DGUOK: variants seen among roughly 807,000 people sequenced by gnomAD.
The protein encoded by DGUOK is deoxyguanosine kinase, also known as deoxyguanosine kinase, mitochondrial.
DGUOK carries 30 observed loss-of-function variants against 36.6 expected under a neutral mutation model. That is an observed-to-expected ratio of 0.82 (90% CI 0.61 to 1.11). DGUOK has a LOEUF of 1.11. Among genes scored for constraint, DGUOK ranks in the 50% most tolerant of loss-of-function variants. DGUOK has a pLI of 0.00. For missense variants in DGUOK, 361 were observed against 336.4 expected (o/e 1.07, Z -0.57); for synonymous variants, 145 against 126.3 (o/e 1.15, Z -0.99).
In DGUOK at chr2:73,958,706, A is replaced by C. The variant is rs1435004874; in HGVS notation, c.808-4A>C. On this transcript the variant is annotated splice_polypyrimidine_tract_variant and splice_region_variant and intron_variant, in intron 6 of 6. Coordinates refer to ENST00000264093, the MANE Select transcript of DGUOK (RefSeq NM_080916.3). The stretch of plus-strand genomic sequence containing the variant: ...TTAAACTTCTGATTTTCTCCTTCCC[A>C]CAGGTAAACACCTTTGTAAAGAATC... 6.2e-7 allele frequency: 1 copy of C among 1,610,902 alleles called. No individual in the cohort carries two copies. The highest frequency in any genetic ancestry group is 8.5e-7 in the Non-Finnish European group (1 of 1,177,040).
chr2:73,949,068 C>G (rs184249690), intron 3 of DGUOK, among the ~76,000 whole-genome samples: 1 of 152,316 alleles, frequency 6.6e-6, no homozygotes, highest in East Asian at 1.9e-4. Flanking sequence ...TCTTGTGCCT[C>G]AGTCTCCTGA....
chr2:73,927,466 A>T (rs767010996), intron 1 of DGUOK, among the ~76,000 whole-genome samples: 6 of 152,252 alleles, frequency 3.9e-5, no homozygotes, highest in Non-Finnish European at 5.9e-5. Flanking sequence ...TGTGTGTCCA[A>T]TGCAATATTT....
chr2:73,947,021 T>A, intron 3 of DGUOK, 115 bp downstream of exon 3: 1 of 962,398 alleles, frequency 1.0e-6, no homozygotes, highest in Non-Finnish European at 1.6e-6. Flanking sequence ...AAAAATTATC[T>A]TCTTTTTTAA....
chr2:73,948,348 T>A (rs1001744593), intron 3 of DGUOK, among the ~76,000 whole-genome samples: 1 of 152,246 alleles, frequency 6.6e-6, no homozygotes, highest in Non-Finnish European at 1.5e-5. Flanking sequence ...AGAAGCTGCA[T>A]GGATCTTAAC....
At chr2:73,943,217 C>CAT (rs2104927016) in intron 2 of DGUOK, among the ~76,000 whole-genome samples, 1 of 152,144 alleles carries the variant, frequency 6.6e-6, no homozygotes, top group Admixed American at 6.5e-5. Flanking sequence ...GTGGCATGAT[C>CAT]ATAGCTCACT....
chr2:73,944,314 C>G (rs920794337), intron 2 of DGUOK, among the ~76,000 whole-genome samples: 2 of 152,220 alleles, frequency 1.3e-5, no homozygotes, highest in African/African-American at 2.4e-5. Context: ...GCCCCCATAC[C>G]TAGCCCTTAA....
chr2:73,937,190 A>G (rs894709153), intron 1 of DGUOK, among the ~76,000 whole-genome samples: 3 of 152,224 alleles, frequency 2.0e-5, no homozygotes, highest in Admixed American at 6.5e-5. Context: ...GTCTTAGCTC[A>G]GATGTCACTA....
At chr2:73,953,554 CTG>C (rs1682854561) in intron 4 of DGUOK, among the ~76,000 whole-genome samples, 2 of 152,096 alleles carry the variant, frequency 1.3e-5, no homozygotes, top group Non-Finnish European at 2.9e-5. Context: ...TCAGAGGTAA[CTG>C]TGCCCAAGGG....
chr2:73,936,803 T>C (rs1681499439), intron 1 of DGUOK, among the ~76,000 whole-genome samples: 1 of 152,222 alleles, frequency 6.6e-6, no homozygotes, highest in African/African-American at 2.4e-5. Context: ...AGCCCCATCC[T>C]GTAGCTGGAG....
intron 2 of DGUOK, among the ~76,000 whole-genome samples, chr2:73,939,891 C>G (rs1031353855): frequency 1.3e-5 from 2 of 150,922 alleles, no homozygotes; most frequent in East Asian, 3.9e-4. Context: ...TTCTTTCTCC[C>G]CCTCAAGTCT....
intron 2 of DGUOK, among the ~76,000 whole-genome samples, chr2:73,945,077 G>C (rs1480125509): frequency 2.0e-5 from 3 of 152,164 alleles, no homozygotes; most frequent in Non-Finnish European, 2.9e-5. Flanking sequence ...ACCCTTCTTT[G>C]GAATCTAATA....
intron 1 of DGUOK, among the ~76,000 whole-genome samples, chr2:73,932,133 A>G (rs1487121075): frequency 2.0e-5 from 3 of 152,108 alleles, no homozygotes; most frequent in African/African-American, 7.2e-5. Context: ...GAAGTTGTTG[A>G]CTGGTGGGTA....
At chr2:73,934,388 AG>A (rs1314754149) in intron 1 of DGUOK, among the ~76,000 whole-genome samples, 1 of 152,194 alleles carries the variant, frequency 6.6e-6, no homozygotes, top group African/African-American at 2.4e-5. Context: ...ACTGGTGGCC[AG>A]GGTCCTAAGG....
chr2:73,927,906 TATTC>T (rs1252407336), intron 1 of DGUOK, among the ~76,000 whole-genome samples: 1 of 152,242 alleles, frequency 6.6e-6, no homozygotes. Context: ...TTTCTTTTTT[TATTC>T]ATTCAACAAA....
Position 73,938,900 on chromosome 2 carries a change from T to C in DGUOK, c.143-10T>C. 6.3e-7 allele frequency: 1 copy of C among 1,591,866 alleles called. No individual in the cohort carries two copies. The highest frequency in any genetic ancestry group is 1.1e-5 in the South Asian group (1 of 90,650). On this transcript the variant is annotated splice_polypyrimidine_tract_variant and intron_variant, in intron 1 of 6. Coordinates refer to ENST00000264093, the MANE Select transcript of DGUOK (RefSeq NM_080916.3). Reference sequence around the variant, plus strand: ...GGGAAGCATCCCAATACATGCTATTTGCATTGCAGCTGTGGGAAAGTCCAC... The same window carrying C: ...GGGAAGCATCCCAATACATGCTATTCGCATTGCAGCTGTGGGAAAGTCCAC...
At chr2:73,956,983 A>ACG in intron 4 of DGUOK, 142 bp from the exon 5 acceptor site, 1 of 516,812 alleles carries the variant, frequency 1.9e-6, no homozygotes, top group Non-Finnish European at 3.6e-6. Flanking sequence ...CTGATTGCAT[A>ACG]AGAAAACAAG....
chr2:73,956,978 T>TGGGGGTG, intron 4 of DGUOK, 147 bp from the exon 5 acceptor site: 1 of 577,518 alleles, frequency 1.7e-6, no homozygotes, highest in Non-Finnish European at 3.2e-6. Flanking sequence ...ATCCTCTGAT[T>TGGGGGTG]GCATAAGAAA....
At position 73,927,031 on chromosome 2, in the gene DGUOK, C is replaced by T. The variant is rs776402101; in HGVS notation, c.121C>T (p.Leu41Phe). 1.4e-5 allele frequency: 22 copies of T among 1,610,156 alleles called. 1 individual carries two copies. The South Asian group carries it at 2.3e-4, about 17-fold the overall frequency. The change falls in exon 1 of 7, where the codon CTC becomes TTC. Residue 41 changes from leucine to phenylalanine, a missense_variant. By Grantham distance (22) the Leu-to-Phe change is conservative (BLOSUM62 0). Coordinates refer to ENST00000264093, the MANE Select transcript of DGUOK (RefSeq NM_080916.3). The part of the protein sequence containing the change: ...GLHAGRGPRR[L>F]SIEGNIAVGK... ...GCACGCGGGGCGCGGGCCCCGAAGG[C>T]TCTCCATCGAAGGCAACATTGGTAA...
At position 73,926,894 on chromosome 2, in the gene DGUOK, T is replaced by G. The variant is rs759734588; in HGVS notation, c.-17T>G. The G allele has an allele frequency of 1.2e-6, 2 of 1,613,344 alleles. No homozygotes were observed. Among genetic ancestry groups the G allele is most frequent in the South Asian group, 2.2e-5 (2 of 91,092 alleles). The stretch of plus-strand genomic sequence containing the variant: ...GTGCTCTCGGCGGAAGTGATCGCTG[T>G]GTGAATCGTGGGTGGGATGGCCGCG... On this transcript the variant is annotated 5_prime_UTR_variant, in exon 1 of 7. Transcript: ENST00000264093.
Sources: allele counts gnomAD v4.1 joint callset (sites outside exome capture counted in the v4.1 genomes callset), GRCh38; gene constraint gnomAD v4.1.1; transcripts MANE v1.5; gene names NCBI Gene and HGNC (gene_info 2026-07-23, HGNC 2026-07-21).